ATP11C: variants seen among roughly 807,000 people sequenced by gnomAD.
ATP11C encodes the protein ATPase phospholipid transporting 11C (ATP11C blood group), also known as phospholipid-transporting ATPase IG.
In ATP11C, 36 loss-of-function variants were observed where a neutral mutation model predicts 97.4. The ratio of observed to expected loss-of-function variants is 0.37; its 90% CI spans 0.28 to 0.49. The LOEUF (loss-of-function observed/expected upper bound fraction) is 0.49, where lower values mean the gene tolerates loss of function less well. Ranked by LOEUF, ATP11C falls within the 20% of genes least tolerant of loss-of-function variation. ATP11C has a pLI of 0.98. For missense variants in ATP11C, 730 were observed against 824.6 expected, an observed-to-expected ratio of 0.89 and a Z score of 1.40; for synonymous variants, 275 against 290.9, an observed-to-expected ratio of 0.95 and a Z score of 0.56.
At chrX:139,908,143 C>T in intron 1 of ATP11C, among the ~76,000 whole-genome samples, 1 of 111,486 alleles carries the variant, frequency 9.0e-6, no homozygotes, top group Middle Eastern at 4.2e-3. Context: ...CTGCCATCTT[C>T]CCCCGGTTCC....
chrX:139,789,283 AT>A (rs764168833), intron 13 of ATP11C, 43 bp downstream of exon 13: 16 of 1,050,233 alleles, frequency 1.5e-5, no homozygotes, highest in Non-Finnish European at 2.0e-5. Context: ...GTTAACATGC[AT>A]ACACAGATTG....
intron 1 of ATP11C, among the ~76,000 whole-genome samples, chrX:139,841,603 CAA>C (rs1221958408): frequency 8.9e-6 from 1 of 112,005 alleles, no homozygotes; most frequent in Non-Finnish European, 1.9e-5. Context: ...GTTCAAAAGA[CAA>C]GAGAGAAAAT....
chrX:139,740,901 A>G (rs1479578316), intron 27 of ATP11C, 90 bp downstream of exon 27: 1 of 516,308 alleles, frequency 1.9e-6, no homozygotes, highest in Admixed American at 3.8e-5. Flanking sequence ...TAAAATTTTT[A>G]AAGTATAATG....
intron 1 of ATP11C, among the ~76,000 whole-genome samples, chrX:139,927,477 G>A (rs563205444): frequency 3.6e-5 from 4 of 110,949 alleles, no homozygotes; most frequent in East Asian, 2.9e-4. Flanking sequence ...GGTGGCAGGC[G>A]CCTGTAATCC....
At chrX:139,833,744 A>C (rs1248523047) in intron 1 of ATP11C, among the ~76,000 whole-genome samples, 1 of 111,141 alleles carries the variant, frequency 9.0e-6, no homozygotes, top group Non-Finnish European at 1.9e-5. Flanking sequence ...CAAAATCTGG[A>C]GAGGACAGGG....
intron 12 of ATP11C, among the ~76,000 whole-genome samples, chrX:139,792,379 T>G (rs1640054019): frequency 9.0e-6 from 1 of 110,994 alleles, no homozygotes. Flanking sequence ...ACATGACTGT[T>G]TCCCTGAGTT....
At chrX:139,855,917 T>C (rs768953208) in intron 1 of ATP11C, among the ~76,000 whole-genome samples, 25 of 112,143 alleles carry the variant, frequency 2.2e-4, no homozygotes, top group Non-Finnish European at 4.3e-4. Context: ...CAGTGTTCTG[T>C]GGACCACTAA....
chrX:139,910,285 T>C (rs1177163990), intron 1 of ATP11C, among the ~76,000 whole-genome samples: 2 of 111,095 alleles, frequency 1.8e-5, no homozygotes, highest in Admixed American at 1.9e-4. Context: ...TTTGAAGTCT[T>C]CATCAGTATA....
At chrX:139,774,235 G>A (rs2082306840) in intron 19 of ATP11C, among the ~76,000 whole-genome samples, 1 of 111,740 alleles carries the variant, frequency 8.9e-6, no homozygotes. Context: ...AAAGAAAGTG[G>A]CCACGTTAAC....
intron 29 of ATP11C, among the ~76,000 whole-genome samples, chrX:139,731,155 A>G (rs1356644441): frequency 1.8e-5 from 2 of 111,819 alleles, no homozygotes; most frequent in Non-Finnish European, 3.8e-5. Flanking sequence ...AAGTGTATAC[A>G]GTACCTGCAA....
At chrX:139,919,494 A>ACACACAC (rs1569492594) in intron 1 of ATP11C, among the ~76,000 whole-genome samples, 1 of 92,376 alleles carries the variant, frequency 1.1e-5, no homozygotes, top group African/African-American at 4.2e-5. Flanking sequence ...CACACACACA[A>ACACACAC]ACTACTTATT....
chrX:139,870,782 C>T (rs753657834), intron 1 of ATP11C, among the ~76,000 whole-genome samples: 12 of 112,065 alleles, frequency 1.1e-4, no homozygotes, highest in African/African-American at 2.6e-4. Context: ...CGCGGCCAGG[C>T]GCGGTGGCTC....
intron 1 of ATP11C, among the ~76,000 whole-genome samples, chrX:139,869,358 TATC>T (rs200829564): frequency 0.065 from 7,253 of 111,612 alleles, 570 homozygotes; most frequent in African/African-American, 0.22. Flanking sequence ...TTACATTTAA[TATC>T]ATAACATAAA....
chrX:139,863,201 C>T (rs1370703349), intron 1 of ATP11C, among the ~76,000 whole-genome samples: 2 of 112,413 alleles, frequency 1.8e-5, no homozygotes, highest in African/African-American at 3.2e-5. Context: ...CTTAGAAAAA[C>T]ACATTTGTTT....
At chrX:139,807,273 C>A (rs1250851051) in intron 5 of ATP11C, among the ~76,000 whole-genome samples, 1 of 108,566 alleles carries the variant, frequency 9.2e-6, no homozygotes, top group Non-Finnish European at 1.9e-5. Context: ...ATAACAGGAA[C>A]ACCATAAAAA....
chrX:139,884,002 G>A (rs2084601020), intron 1 of ATP11C, among the ~76,000 whole-genome samples: 1 of 111,947 alleles, frequency 8.9e-6, no homozygotes, highest in African/African-American at 3.2e-5. Flanking sequence ...TACCAATTCT[G>A]ATTTTCAACA....
At chrX:139,746,422 G>T (rs770808073) in intron 24 of ATP11C, among the ~76,000 whole-genome samples, 2 of 111,742 alleles carry the variant, frequency 1.8e-5, no homozygotes, top group East Asian at 5.7e-4. Context: ...AGTATAGTCT[G>T]GGAACCACTA....
chrX:139,776,206 T>C (rs187482481), intron 18 of ATP11C, among the ~76,000 whole-genome samples: 33 of 112,360 alleles, frequency 2.9e-4, no homozygotes, highest in African/African-American at 9.7e-4. Flanking sequence ...CAGTGGATGG[T>C]AGCGCATATG....
chrX:139,892,020 C>A, intron 1 of ATP11C, among the ~76,000 whole-genome samples: 1 of 111,021 alleles, frequency 9.0e-6, no homozygotes, highest in Middle Eastern at 4.6e-3. Context: ...CCACGCTTGG[C>A]TAATTTTCCT....
Sources: allele counts gnomAD v4.1 joint callset (sites outside exome capture counted in the v4.1 genomes callset), GRCh38; gene constraint gnomAD v4.1.1; transcripts MANE v1.5; gene names NCBI Gene and HGNC (gene_info 2026-07-23, HGNC 2026-07-21).